Variants in RAB24 observed in about 807,000 individuals in gnomAD.
RAB24 encodes the protein ras-related protein Rab-24.
RAB24 carries 9 observed loss-of-function variants against 31.4 expected under a neutral mutation model. That is an observed-to-expected ratio of 0.29 (90% CI 0.17 to 0.50). The LOEUF is 0.50. RAB24 is among the 20% of genes least tolerant of loss of function. The pLI is 0.98. For missense variants in RAB24, 197 were observed against 265.2 expected (o/e 0.74, Z 1.79); for synonymous variants, 106 against 94.1 (o/e 1.13, Z -0.73).
At chr5:177,302,543 GCCCCTAGTGTT>G (rs773720804) in intron 4 of RAB24, 23 bp downstream of exon 4, 1 of 1,614,004 alleles carries the variant, frequency 6.2e-7, no homozygotes, top group Admixed American at 1.7e-5. Context: ...CAAAACCCCA[GCCCCTAGTGTT>G]CTAGTGAGGT....
At chr5:177,302,326 A>C in intron 5 of RAB24, 71 bp downstream of exon 5, 1 of 1,583,852 alleles carries the variant, frequency 6.3e-7, no homozygotes, top group Non-Finnish European at 8.7e-7. Flanking sequence ...CAGCCAAGGC[A>C]GTCCCTATTT....
At position 177,301,606 on chromosome 5, in the gene RAB24, C is replaced by A; in HGVS notation, c.*137G>T. The A allele has an allele frequency of 1.0e-6, 1 of 967,472 alleles. No individual in the cohort carries two copies. The highest frequency in any genetic ancestry group is 1.5e-5 in the South Asian group (1 of 66,130). 59.9% of individuals were successfully genotyped at this position (967,472 alleles called of 1,614,324 possible). A position where few individuals can be genotyped will look rare whatever the true frequency, so the allele number is the denominator to read the frequency against. The stretch of plus-strand genomic sequence containing the variant: ...CCAATGCTGTCTCCGTTCCATGGGC[C>A]AGCACAGGCAGGCGCCACTCTGCTG... On this transcript the variant is annotated 3_prime_UTR_variant, in exon 8 of 8. Coordinates refer to ENST00000303251, the MANE Select transcript of RAB24 (RefSeq NM_001031677.4).
Position 177,303,281 on chromosome 5 carries a change from C to T in RAB24, c.8G>A (p.Gly3Glu), listed in dbSNP as rs1760748351. Residue 3 changes from glycine (G) to glutamate (E), a missense_variant, in exon 1 of 8, where the codon GGG (glycine) becomes GAG (glutamate). Transcript: ENST00000303251. The surrounding 1 kb of genome is among the most constrained non-coding windows in gnomAD (Gnocchi z 6.1). ...CACCACCTTGACGTCCACGCGCTGC[C>T]CGCTCATGCTCCCGGGGCCGCTTCA... MS[G>E]QRVDVKVVML... 6.2e-7 allele frequency: 1 copy of T among 1,613,568 alleles called. No individual in the cohort carries two copies. The highest frequency in any genetic ancestry group is 1.3e-5 in the African/African-American group (1 of 74,946).
Position 177,303,386 on chromosome 5 carries a change from C to G in RAB24, c.-98G>C. On this transcript the variant is annotated 5_prime_UTR_variant, in exon 1 of 8. Coordinates refer to ENST00000303251, the MANE Select transcript of RAB24 (RefSeq NM_001031677.4). The surrounding 1 kb of genome is among the most constrained non-coding windows in gnomAD (Gnocchi z 6.1). The stretch of plus-strand genomic sequence containing the variant: ...CCAGGCAGCGCCCAAGCCTCAGACC[C>G]CGACCCCAAACGGCGCCAACCTACG... The G allele has an allele frequency of 8.2e-7, 1 of 1,226,890 alleles. No individual in the cohort carries two copies. The highest frequency in any genetic ancestry group is 1.2e-6 in the Non-Finnish European group (1 of 853,326). The allele number at this position is 1,226,890 out of a possible 1,614,324, so 76.0% of individuals were successfully genotyped here.
In RAB24 at chr5:177,302,086, C is replaced by T. The variant is rs184035971; in HGVS notation, c.484+42G>A. The T allele has an allele frequency of 5.8e-5, 93 of 1,612,234 alleles. No individual in the cohort carries two copies. In the East Asian group the frequency reaches 2.1e-3, roughly 36 times the overall value. On this transcript the variant is annotated intron_variant, in intron 6 of 7. Transcript: ENST00000303251. ...GTGCCCTATTCAGCTTCCTCTGGTG[C>T]CCCTGCATGTTCCTGCTGTGAGGCT... is the stretch of plus-strand genomic sequence containing the variant.
chr5:177,303,047 T>C lies in RAB24; in HGVS notation c.148A>G (p.Met50Val). ...GTCACAGTCCGGTCTCCGACCGACA[T>C]CACCTTGGCCACGAAGGCGGCCCCG... ...TIGAAFVAKV[M>V]SVGDRTVTLG... The change falls in exon 2 of 8, where the codon ATG (methionine) becomes GTG (valine). Residue 50 changes from methionine (M) to valine (V), a missense_variant. This residue lies in a region of RAB24 where 49 missense variants were observed against 105.5 expected (regional missense o/e 0.46). Coordinates refer to ENST00000303251, the MANE Select transcript of RAB24 (RefSeq NM_001031677.4). This position sits in a 1 kb window ranked among gnomAD's most constrained non-coding sequence, Gnocchi z 6.1. 6.2e-7 allele frequency: 1 copy of C among 1,614,066 alleles called. No individual in the cohort carries two copies. Among genetic ancestry groups the C allele is most frequent in the Non-Finnish European group, 8.5e-7 (1 of 1,180,018 alleles).
Position 177,302,004 on chromosome 5 carries a change from T to C in RAB24, c.485-17A>G. On this transcript the variant is annotated splice_polypyrimidine_tract_variant and intron_variant, in intron 6 of 7. Coordinates refer to ENST00000303251, the MANE Select transcript of RAB24 (RefSeq NM_001031677.4). Reference sequence around the variant, plus strand: ...AGAGCTCGTCTGGCAGGAAAAATGATGATCAGCGAGGGCCCAATGCCAGTA... The same window carrying C: ...AGAGCTCGTCTGGCAGGAAAAATGACGATCAGCGAGGGCCCAATGCCAGTA... 1 of 1,614,068 alleles carries C rather than the reference T, an allele frequency of 6.2e-7. No homozygotes were observed. Among genetic ancestry groups the C allele is most frequent in the Non-Finnish European group, 8.5e-7 (1 of 1,179,908 alleles).
intron 5 of RAB24, 98 bp from the exon 6 acceptor site, chr5:177,302,276 C>G (rs758754823): frequency 2.6e-6 from 4 of 1,563,588 alleles, no homozygotes; most frequent in Non-Finnish European, 3.5e-6. Flanking sequence ...CCCCACAGTT[C>G]AAGGAGGCCA....
rs1298607968 is a variant in RAB24 at position 177,303,527 on chromosome 5, T to A, written c.-239A>T. 6 of 583,922 alleles carry A rather than the reference T, an allele frequency of 1.0e-5. No individual in the cohort carries two copies. The East Asian group carries it at 1.7e-4, about 17-fold the overall frequency. 36.2% of individuals were successfully genotyped at this position (583,922 alleles called of 1,614,324 possible). A position where few individuals can be genotyped will look rare whatever the true frequency, so the allele number is the denominator to read the frequency against. ...GATTATCCTTCGAAGACCCCAAGCC[T>A]CGGGGCGGCCTGGGAGCGCGCGGGA... On this transcript the variant is annotated 5_prime_UTR_variant, in exon 1 of 8. Coordinates refer to ENST00000303251, the MANE Select transcript of RAB24 (RefSeq NM_001031677.4). The surrounding 1 kb of genome is among the most constrained non-coding windows in gnomAD (Gnocchi z 6.1).
rs1760754951 is a variant in RAB24, at chr5:177,303,410, C to A, written c.-122G>T. On this transcript the variant is annotated 5_prime_UTR_variant, in exon 1 of 8. Coordinates refer to ENST00000303251, the MANE Select transcript of RAB24 (RefSeq NM_001031677.4). The surrounding 1 kb of genome is among the most constrained non-coding windows in gnomAD (Gnocchi z 6.1). ...CCCGACCCCAAACGGCGCCAACCTA[C>A]GACTCCAGACAGCGCGTCGGGCTCG... 1.2e-6 allele frequency: 1 copy of A among 853,892 alleles called. No individual in the cohort carries two copies. 52.9% of individuals were successfully genotyped at this position (853,892 alleles called of 1,614,324 possible).
In RAB24 at chr5:177,303,520, C is replaced by G; in HGVS notation, c.-232G>C. ...GGGCGCCGATTATCCTTCGAAGACC[C>G]CAAGCCTCGGGGCGGCCTGGGAGCG... On this transcript the variant is annotated 5_prime_UTR_variant, in exon 1 of 8. Transcript: ENST00000303251. The surrounding 1 kb of genome is among the most constrained non-coding windows in gnomAD (Gnocchi z 6.1). 3.4e-6 allele frequency: 2 copies of G among 593,130 alleles called. No homozygotes were observed. Among genetic ancestry groups the G allele is most frequent in the Non-Finnish European group, 6.0e-6 (2 of 332,892 alleles). 36.7% of individuals were successfully genotyped at this position (593,130 alleles called of 1,614,324 possible). A position where few individuals can be genotyped will look rare whatever the true frequency, so the allele number is the denominator to read the frequency against.
rs906546472 is a variant in RAB24 at position 177,302,409 on chromosome 5, C to T, written c.421G>A (p.Asp141Asn). ...RRRVDFHDVQDYADNIKAQLF... is the reference protein window; with the variant it reads ...RRRVDFHDVQNYADNIKAQLF... ...GAGGAGCAGCTACTGTCTGCATAGT[C>T]CTGGACGTCGTGGAAGTCCACACGT... The change falls in exon 5 of 8, where the codon GAC becomes AAC. Residue 141 changes from aspartate to asparagine, a missense_variant. Physicochemically the swap from Asp to Asn is conservative, Grantham distance 23. Transcript: ENST00000303251. The T allele has an allele frequency of 3.1e-6, 5 of 1,613,404 alleles. No homozygotes were observed. The highest frequency in any genetic ancestry group is 3.4e-6 in the Non-Finnish European group (4 of 1,180,034).
intron 5 of RAB24, 109 bp from the exon 6 acceptor site, chr5:177,302,287 G>A: frequency 6.4e-7 from 1 of 1,552,310 alleles, no homozygotes; most frequent in Non-Finnish European, 8.9e-7. Context: ...AAGGAGGCCA[G>A]GAAGACCTCC....
intron 5 of RAB24, 86 bp from the exon 6 acceptor site, chr5:177,302,264 G>A (rs949133847): frequency 1.3e-6 from 2 of 1,569,152 alleles, no homozygotes; most frequent in Admixed American, 1.7e-5. Context: ...GAGTCTCCTG[G>A]ACCCCACAGT....
At position 177,301,917 on chromosome 5, in the gene RAB24, GCA is replaced by G. The variant is rs767355628; in HGVS notation, c.547+6_547+7del. ...GTAAGTCTCCATAAAGGCTGGGGAA[GCA>G]CACACCTGTCATCACCTGGAAGGCA... On this transcript the variant is annotated splice_donor_region_variant and intron_variant, in intron 7 of 7. Transcript: ENST00000303251. 7.4e-6 allele frequency: 12 copies of G among 1,614,012 alleles called. No individual in the cohort carries two copies. Among genetic ancestry groups the G allele is most frequent in the Non-Finnish European group, 1.0e-5 (12 of 1,179,874 alleles).
rs1051652325 is a variant in RAB24 at position 177,303,129 on chromosome 5, C to T, written c.117+43G>A. The T allele has an allele frequency of 2.5e-6, 4 of 1,613,318 alleles. No homozygotes were observed. The East Asian group carries it at 6.7e-5, about 27-fold the overall frequency. On this transcript the variant is annotated intron_variant, in intron 1 of 7. Coordinates refer to ENST00000303251, the MANE Select transcript of RAB24 (RefSeq NM_001031677.4). The surrounding 1 kb of genome is among the most constrained non-coding windows in gnomAD (Gnocchi z 6.1). ...CCATAGGTGCAGATTACCGGCCCCC[C>T]ACTCCCCCGCCCACCGTGCCTGGCC...
Position 177,303,433 on chromosome 5 carries a change from T to G in RAB24, c.-145A>C. 2 of 722,690 alleles carry G rather than the reference T, an allele frequency of 2.8e-6. No homozygotes were observed. The highest frequency in any genetic ancestry group is 1.7e-5 in the South Asian group (1 of 59,500). The allele number at this position is 722,690 out of a possible 1,614,324, so 44.8% of individuals were successfully genotyped here. On this transcript the variant is annotated 5_prime_UTR_variant, in exon 1 of 8. Transcript: ENST00000303251. This position sits in a 1 kb window ranked among gnomAD's most constrained non-coding sequence, Gnocchi z 6.1. ...TACGACTCCAGACAGCGCGTCGGGCTCGAGCTCTGGCCGTGGCCTTGCACT... is the reference window on the plus strand; with the variant it reads ...TACGACTCCAGACAGCGCGTCGGGCGCGAGCTCTGGCCGTGGCCTTGCACT...
intron 6 of RAB24, 24 bp from the exon 7 acceptor site, chr5:177,302,011 C>T (rs376678813): frequency 5.5e-5 from 89 of 1,613,656 alleles, no homozygotes; most frequent in African/African-American, 1.6e-4. Context: ...TGATGATCAG[C>T]GAGGGCCCAA....
At position 177,303,267 on chromosome 5, in the gene RAB24, C is replaced by T. The variant is rs1760747720; in HGVS notation, c.22G>A (p.Val8Ile). 6.2e-7 allele frequency: 1 copy of T among 1,613,784 alleles called. No individual in the cohort carries two copies. The highest frequency in any genetic ancestry group is 8.5e-7 in the Non-Finnish European group (1 of 1,180,034). MSGQRVDVKVVMLGKEYV... is the reference protein window; with the variant it reads MSGQRVDIKVVMLGKEYV... ...TCCTTGCCCAGCATCACCACCTTGA[C>T]GTCCACGCGCTGCCCGCTCATGCTC... Residue 8 changes from valine to isoleucine, a missense_variant, in exon 1 of 8, where the codon GTC (valine) becomes ATC (isoleucine). By Grantham distance (29) the Val-to-Ile change is conservative. Transcript: ENST00000303251. The surrounding 1 kb of genome is among the most constrained non-coding windows in gnomAD (Gnocchi z 6.1).
Sources: gnomAD v4.1 joint callset for allele counts on GRCh38, gnomAD v4.1.1 for gene constraint, gnomAD v4.1.1 regional missense constraint, Gnocchi (gnomAD v3.1) non-coding constraint, MANE v1.5 for transcripts, NCBI Gene and HGNC (gene_info 2026-07-23, HGNC 2026-07-21) for gene names.